MYT1L: variants seen among roughly 807,000 people sequenced by gnomAD.
The protein encoded by MYT1L is myelin transcription factor 1 like, also known as myelin transcription factor 1-like protein.
A neutral mutation model predicts 126.7 loss-of-function variants in MYT1L; 12 were observed. The observed-to-expected ratio is 0.09, with a 90% CI of 0.06 to 0.15. The LOEUF (loss-of-function observed/expected upper bound fraction) is 0.15, where lower values mean the gene tolerates loss of function less well. Among genes scored for constraint, MYT1L ranks in the 10% least tolerant of loss-of-function variants. The pLI is 1.00. For synonymous variants in MYT1L, 541 were observed against 604.2 expected, an observed-to-expected ratio of 0.90 and a Z score of 1.53; for missense variants, 979 against 1,585.2, an observed-to-expected ratio of 0.62 and a Z score of 6.49.
chr2:2,071,842 G>C (rs76873591), intron 3 of MYT1L, among the ~76,000 whole-genome samples: 1 of 152,164 alleles, frequency 6.6e-6, no homozygotes, highest in Non-Finnish European at 1.5e-5. Flanking sequence ...TGAGGTGATC[G>C]TGACCTAAAA....
Position 1,789,704 on chromosome 2 carries a change from C to T in MYT1L, c.*2163G>A, listed in dbSNP as rs2031699935. 6.6e-6 allele frequency: 1 copy of T among 152,074 alleles called. No individual in the cohort carries two copies. Among genetic ancestry groups the T allele is most frequent in the African/African-American group, 2.4e-5 (1 of 41,386 alleles). 9.4% of individuals were successfully genotyped at this position (152,074 alleles called of 1,614,324 possible). On this transcript the variant is annotated 3_prime_UTR_variant, in exon 25 of 25. Coordinates refer to ENST00000647738, the MANE Select transcript of MYT1L (RefSeq NM_001303052.2). ...ATATGCTGTTATGAACAATGGGGGC[C>T]CTAAAGGCAGCTGGGGCCCTGGGCC... is the stretch of plus-strand genomic sequence containing the variant.
chr2:1,978,902 T>C (rs894284129), intron 8 of MYT1L, among the ~76,000 whole-genome samples: 6 of 152,132 alleles, frequency 3.9e-5, no homozygotes, highest in Non-Finnish European at 7.3e-5. Context: ...GCACCACATA[T>C]GCAGATGGGA....
chr2:2,105,280 C>T (rs761271179), intron 3 of MYT1L, among the ~76,000 whole-genome samples: 5 of 152,068 alleles, frequency 3.3e-5, no homozygotes, highest in African/African-American at 7.2e-5. Flanking sequence ...GCAATGTGCT[C>T]GTGGGATACT....
At chr2:2,245,039 C>T (rs1271275189) in intron 2 of MYT1L, among the ~76,000 whole-genome samples, 1 of 152,096 alleles carries the variant, frequency 6.6e-6, no homozygotes, top group Non-Finnish European at 1.5e-5. Context: ...TGTCTAGCAC[C>T]CCACTTGCAT....
chr2:1,901,406 T>C (rs2050322955), intron 14 of MYT1L, among the ~76,000 whole-genome samples: 1 of 152,318 alleles, frequency 6.6e-6, no homozygotes. Context: ...CACTTGTAGA[T>C]GAACAAATGA....
At chr2:2,237,756 T>C (rs992383663) in intron 2 of MYT1L, among the ~76,000 whole-genome samples, 1 of 152,060 alleles carries the variant, frequency 6.6e-6, no homozygotes, top group Non-Finnish European at 1.5e-5. Context: ...GCAGCTTAAG[T>C]CATTGCTCAG....
At chr2:2,104,606 T>C (rs568122170) in intron 3 of MYT1L, among the ~76,000 whole-genome samples, 1 of 152,248 alleles carries the variant, frequency 6.6e-6, no homozygotes, top group African/African-American at 2.4e-5. Flanking sequence ...CTGACCTTTA[T>C]GGTCTCTGCG....
At chr2:2,220,376 A>C (rs2093823040) in intron 2 of MYT1L, among the ~76,000 whole-genome samples, 1 of 152,166 alleles carries the variant, frequency 6.6e-6, no homozygotes, top group South Asian at 2.1e-4. Flanking sequence ...TCTGATTGAC[A>C]AGTGGCTGAG....
At chr2:2,168,628 C>A (rs528708366) in intron 3 of MYT1L, among the ~76,000 whole-genome samples, 1 of 152,144 alleles carries the variant, frequency 6.6e-6, no homozygotes, top group Admixed American at 6.5e-5. Flanking sequence ...AGCCACTCTC[C>A]ACCTTCAGTG....
chr2:2,133,688 G>A (rs1055765939), intron 3 of MYT1L, among the ~76,000 whole-genome samples: 3 of 152,088 alleles, frequency 2.0e-5, no homozygotes, highest in Admixed American at 1.3e-4. Flanking sequence ...CTTTCTGAAT[G>A]GTCCCTTGGT....
rs1433853254 is a variant in MYT1L at position 1,801,538 on chromosome 2, T to A, written c.3276+158A>T. On this transcript the variant is annotated intron_variant, in intron 23 of 24. Transcript: ENST00000647738. The surrounding 1 kb of genome is among the most constrained non-coding windows in gnomAD (Gnocchi z 4.2). ...TACAGCGAACACTGCCACGGAATGG[T>A]GTCTGCGGAAGACCAATATCATAAG... is the stretch of plus-strand genomic sequence containing the variant. The A allele has an allele frequency of 1.8e-6, 1 of 564,534 alleles. No individual in the cohort carries two copies. Among genetic ancestry groups the A allele is most frequent in the African/African-American group, 1.9e-5 (1 of 52,462 alleles). The allele number at this position is 564,534 out of a possible 1,614,324, so 35.0% of individuals were successfully genotyped here. A position where few individuals can be genotyped will look rare whatever the true frequency, so the allele number is the denominator to read the frequency against.
At chr2:2,260,186 G>A (rs569299017) in intron 2 of MYT1L, among the ~76,000 whole-genome samples, 6 of 152,292 alleles carry the variant, frequency 3.9e-5, no homozygotes, top group South Asian at 2.1e-4. Context: ...CTGGCTCCCC[G>A]CTGACTGATG....
chr2:2,072,056 A>T (rs1396473742), intron 3 of MYT1L, among the ~76,000 whole-genome samples: 1 of 152,204 alleles, frequency 6.6e-6, no homozygotes, highest in Non-Finnish European at 1.5e-5. Flanking sequence ...TCATGACATC[A>T]TCCTCAAAAA....
intron 9 of MYT1L, among the ~76,000 whole-genome samples, chr2:1,939,850 G>C (rs2056433113): frequency 1.3e-5 from 2 of 152,212 alleles, no homozygotes; most frequent in Non-Finnish European, 1.5e-5. Flanking sequence ...ACCCACGTGG[G>C]GCTCCTCCAA....
rs2096241469 is a variant in MYT1L, at chr2:2,325,935, T to C, written c.-521+5032A>G. On this transcript the variant is annotated intron_variant, in intron 1 of 24. Transcript: ENST00000647738. ...AGGCAGGCAGGTGGAGAAACAACTA[T>C]TTTTGAAGTACTTAAGAGAAGAACT... is the stretch of plus-strand genomic sequence containing the variant. 2.0e-5 allele frequency: 3 copies of C among 152,384 alleles called. No homozygotes were observed. In the South Asian group the frequency reaches 6.2e-4, roughly 32 times the overall value. The allele number at this position is 152,384 out of a possible 1,614,324, so 9.4% of individuals were successfully genotyped here.
chr2:2,284,856 A>C (rs1234840736), intron 1 of MYT1L, among the ~76,000 whole-genome samples: 1 of 151,884 alleles, frequency 6.6e-6, no homozygotes, highest in East Asian at 1.9e-4. Flanking sequence ...GGCATGCACC[A>C]CCATGCCCAG....
intron 5 of MYT1L, among the ~76,000 whole-genome samples, chr2:1,989,271 G>A (rs899239327): frequency 2.0e-5 from 3 of 152,128 alleles, no homozygotes; most frequent in Non-Finnish European, 4.4e-5. Flanking sequence ...TAAGTTCCCT[G>A]TGCCAGGCAA....
intron 3 of MYT1L, among the ~76,000 whole-genome samples, chr2:2,125,229 A>T (rs2081533049): frequency 6.6e-6 from 1 of 152,044 alleles, no homozygotes; most frequent in Non-Finnish European, 1.5e-5. Context: ...GGGGTGGTCC[A>T]GGCCTTAGTG....
intron 18 of MYT1L, among the ~76,000 whole-genome samples, chr2:1,881,919 G>C (rs2047607300): frequency 6.6e-6 from 1 of 152,130 alleles, no homozygotes; most frequent in South Asian, 2.1e-4. Context: ...GGAAGATTCT[G>C]AGCTCGGGCT....
Sources: gnomAD v4.1 joint callset for allele counts (sites outside exome capture counted in the v4.1 genomes callset) on GRCh38, gnomAD v4.1.1 for gene constraint, Gnocchi (gnomAD v3.1) non-coding constraint, MANE v1.5 for transcripts, NCBI Gene and HGNC (gene_info 2026-07-23, HGNC 2026-07-21) for gene names.